PTPRT: variants seen among roughly 807,000 people sequenced by gnomAD.
The protein encoded by PTPRT is receptor-type tyrosine-protein phosphatase T.
Under a neutral mutation model 176.8 loss-of-function variants are expected in PTPRT, and 56 were observed. The ratio of observed to expected loss-of-function variants is 0.32; its 90% CI spans 0.26 to 0.40. The LOEUF (loss-of-function observed/expected upper bound fraction) is 0.40, where lower values mean the gene tolerates loss of function less well. Among genes scored for constraint, PTPRT ranks in the 10% least tolerant of loss-of-function variants. The probability of loss-of-function intolerance (pLI) is 1.00; values close to 1 mark genes in which losing one functional copy is unlikely to be tolerated. For synonymous variants in PTPRT, 783 were observed against 739.0 expected, an observed-to-expected ratio of 1.06 and a Z score of -0.96; for missense variants, 1,540 against 1,908.2, an observed-to-expected ratio of 0.81 and a Z score of 3.60.
At chr20:43,087,299 C>T (rs888535784) in intron 1 of PTPRT, among the ~76,000 whole-genome samples, 1 of 150,668 alleles carries the variant, frequency 6.6e-6, no homozygotes, top group South Asian at 2.1e-4. Flanking sequence ...TGAACCGAGA[C>T]TTCAAAATGG....
At chr20:42,607,931 G>C (rs989662105) in intron 7 of PTPRT, among the ~76,000 whole-genome samples, 1 of 152,170 alleles carries the variant, frequency 6.6e-6, no homozygotes, top group African/African-American at 2.4e-5. Context: ...CAGCTCATAA[G>C]GGCATCCTCA....
chr20:42,585,705 C>A (rs1240945706), intron 7 of PTPRT, among the ~76,000 whole-genome samples: 1 of 152,030 alleles, frequency 6.6e-6, no homozygotes, highest in Non-Finnish European at 1.5e-5. Context: ...TCAATCATCT[C>A]CTGTACAAGA....
chr20:42,292,192 C>T (rs999925010), intron 12 of PTPRT, among the ~76,000 whole-genome samples: 1 of 152,120 alleles, frequency 6.6e-6, no homozygotes, highest in African/African-American at 2.4e-5. Context: ...CTAGCCTTCC[C>T]ACAAACTGAC....
chr20:42,540,290 C>T (rs2072554686), intron 7 of PTPRT, among the ~76,000 whole-genome samples: 1 of 152,042 alleles, frequency 6.6e-6, no homozygotes, highest in African/African-American at 2.4e-5. Context: ...AAATTCTTCC[C>T]TGAGTGTGAG....
chr20:42,307,846 T>C (rs1269023287), intron 12 of PTPRT, among the ~76,000 whole-genome samples: 1 of 152,136 alleles, frequency 6.6e-6, no homozygotes, highest in Non-Finnish European at 1.5e-5. Context: ...TGGCATGAGA[T>C]ACAGGTCATG....
chr20:43,088,336 GTGT>G (rs1568777487), intron 1 of PTPRT, among the ~76,000 whole-genome samples: 76 of 15,160 alleles, frequency 5.0e-3, no homozygotes, highest in Middle Eastern at 0.026. Context: ...GCTTTGGGGT[GTGT>G]GTGTGTGTGT....
intron 7 of PTPRT, among the ~76,000 whole-genome samples, chr20:42,634,783 A>G (rs2074557313): frequency 6.6e-6 from 1 of 152,206 alleles, no homozygotes; most frequent in Non-Finnish European, 1.5e-5. Flanking sequence ...ACCAGACTGT[A>G]AATTCACATG....
intron 2 of PTPRT, among the ~76,000 whole-genome samples, chr20:42,811,035 AC>A (rs533656434): frequency 9.8e-5 from 15 of 152,344 alleles, no homozygotes; most frequent in Non-Finnish European, 1.8e-4. Context: ...AATTATAAAT[AC>A]CCATAACTCT....
chr20:42,929,523 T>A (rs1018449438), intron 1 of PTPRT, among the ~76,000 whole-genome samples: 2 of 152,278 alleles, frequency 1.3e-5, no homozygotes, highest in East Asian at 1.9e-4. Context: ...TGCTTCTTCC[T>A]ATTTTCCTAA....
intron 14 of PTPRT, among the ~76,000 whole-genome samples, chr20:42,240,364 T>A (rs947809827): frequency 3.3e-5 from 5 of 152,212 alleles, no homozygotes; most frequent in South Asian, 2.1e-4. Context: ...ACTGAAGGTC[T>A]AAATTTACAA....
chr20:43,183,446 A>T (rs1449682752), intron 1 of PTPRT, among the ~76,000 whole-genome samples: 1 of 152,218 alleles, frequency 6.6e-6, no homozygotes, highest in Admixed American at 6.5e-5. Context: ...TCAAGGCCAC[A>T]TCACAAGTGC....
At chr20:42,986,592 G>C (rs1983591594) in intron 1 of PTPRT, among the ~76,000 whole-genome samples, 1 of 152,190 alleles carries the variant, frequency 6.6e-6, no homozygotes. Context: ...AACAGAACTA[G>C]AGATTCCTAG....
At chr20:42,802,936 A>G in intron 2 of PTPRT, among the ~76,000 whole-genome samples, 1 of 152,216 alleles carries the variant, frequency 6.6e-6, no homozygotes, top group East Asian at 1.9e-4. Context: ...TAGGCTTGTT[A>G]CGTGAATTAA....
intron 9 of PTPRT, among the ~76,000 whole-genome samples, chr20:42,422,504 C>G (rs2059127568): frequency 6.6e-6 from 1 of 152,206 alleles, no homozygotes; most frequent in African/African-American, 2.4e-5. Flanking sequence ...GAGATACCAT[C>G]TGACACCAGT....
chr20:42,245,611 C>T (rs1206223577), intron 14 of PTPRT, among the ~76,000 whole-genome samples: 1 of 152,102 alleles, frequency 6.6e-6, no homozygotes, highest in East Asian at 1.9e-4. Flanking sequence ...TTTCATTAAA[C>T]CCTTCCCTTC....
chr20:42,864,602 G>A (rs1281826801), intron 2 of PTPRT, among the ~76,000 whole-genome samples: 1 of 152,168 alleles, frequency 6.6e-6, no homozygotes, highest in African/African-American at 2.4e-5. Flanking sequence ...AAAACCTTGA[G>A]CCATAGAGAA....
chr20:42,806,949 A>C (rs2077618633), intron 2 of PTPRT, among the ~76,000 whole-genome samples: 1 of 152,216 alleles, frequency 6.6e-6, no homozygotes, highest in Admixed American at 6.5e-5. Flanking sequence ...CATCCACAGA[A>C]GTATTCCTTC....
At chr20:42,116,047 G>A (rs200764958) in intron 21 of PTPRT, 15 of 724,288 alleles carry the variant, frequency 2.1e-5, no homozygotes, top group Non-Finnish European at 3.3e-5. Context: ...ACCATTCCGG[G>A]GGACGCCGCA....
chr20:42,591,512 G>A (rs762123230), intron 7 of PTPRT, among the ~76,000 whole-genome samples: 11 of 152,142 alleles, frequency 7.2e-5, no homozygotes, highest in Non-Finnish European at 1.3e-4. Flanking sequence ...TATGTGACCT[G>A]GAACATAAAT....
Sources: allele counts gnomAD v4.1 joint callset (sites outside exome capture counted in the v4.1 genomes callset), GRCh38; gene constraint gnomAD v4.1.1; transcripts MANE v1.5; gene names NCBI Gene and HGNC (gene_info 2026-07-23, HGNC 2026-07-21).